The following PDE8A variants were observed in gnomAD, a reference collection of about 807,000 sequenced individuals.
PDE8A encodes the protein high affinity cAMP-specific and IBMX-insensitive 3',5'-cyclic phosphodiesterase 8A.
In PDE8A, 59 loss-of-function variants were observed where a neutral mutation model predicts 105.0. The ratio of observed to expected loss-of-function variants is 0.56; its 90% confidence interval spans 0.46 to 0.70. The LOEUF is 0.70. Ranked by LOEUF, PDE8A falls within the 30% of genes least tolerant of loss-of-function variation. The pLI is 0.00. For synonymous variants in PDE8A, 355 were observed against 371.9 expected (o/e 0.95, Z 0.52); for missense variants, 1,014 against 1,045.9 (o/e 0.97, Z 0.42).
intron 6 of PDE8A, among the ~76,000 whole-genome samples, chr15:85,087,573 C>A (rs559896564): frequency 6.6e-6 from 1 of 152,088 alleles, no homozygotes; most frequent in Admixed American, 6.5e-5. Context: ...TTTTTTTCAT[C>A]TTCTGAGGCC....
chr15:85,000,864 C>T (rs2080056700), intron 1 of PDE8A, among the ~76,000 whole-genome samples: 1 of 152,174 alleles, frequency 6.6e-6, no homozygotes, highest in African/African-American at 2.4e-5. Context: ...ATTTTTATCC[C>T]ACCTTATCCA....
rs181283797 is a variant in PDE8A at position 85,081,497 on chromosome 15, T to C, written c.547-2059T>C. On this transcript the variant is annotated intron_variant, in intron 5 of 21. Transcript: ENST00000394553. ...GGTCCTAGCCGTGGGTGTGATATGCTTTGGAGAAAGTGAGGTTAAGTTAGC... is the reference window on the plus strand; with the variant it reads ...GGTCCTAGCCGTGGGTGTGATATGCCTTGGAGAAAGTGAGGTTAAGTTAGC... 1.5e-4 allele frequency among the ~76,000 whole-genome samples: 23 copies of C among 152,246 alleles called. No individual in the cohort carries two copies. The East Asian group carries it at 4.4e-3, about 29-fold the overall frequency.
At chr15:85,065,017 G>A (rs941603633) in intron 2 of PDE8A, among the ~76,000 whole-genome samples, 2 of 152,014 alleles carry the variant, frequency 1.3e-5, no homozygotes, top group Admixed American at 6.6e-5. Context: ...AATAAAAAAT[G>A]TGTATAATTG....
chr15:85,067,838 T>C (rs780254125), intron 3 of PDE8A, among the ~76,000 whole-genome samples: 1 of 152,148 alleles, frequency 6.6e-6, no homozygotes, highest in Non-Finnish European at 1.5e-5. Flanking sequence ...TTATGGGGTA[T>C]GTGGTGACGT....
chr15:85,039,660 T>C (rs1463053170), intron 1 of PDE8A, among the ~76,000 whole-genome samples: 1 of 152,234 alleles, frequency 6.6e-6, no homozygotes, highest in Non-Finnish European at 1.5e-5. Flanking sequence ...TCTGTACTCC[T>C]GTGTTCGTTG....
chr15:85,024,789 G>C (rs2080486613), intron 1 of PDE8A, among the ~76,000 whole-genome samples: 1 of 152,118 alleles, frequency 6.6e-6, no homozygotes, highest in Non-Finnish European at 1.5e-5. Context: ...TAGTTTCTCT[G>C]CTTCTAGTGT....
intron 5 of PDE8A, among the ~76,000 whole-genome samples, chr15:85,081,646 C>T (rs888110280): frequency 2.6e-5 from 4 of 152,168 alleles, no homozygotes; most frequent in African/African-American, 9.7e-5. Context: ...CCTGATTCTT[C>T]ACCCTCCATG....
intron 11 of PDE8A, among the ~76,000 whole-genome samples, chr15:85,108,162 T>C (rs1449511581): frequency 4.6e-5 from 7 of 152,016 alleles, no homozygotes; most frequent in Non-Finnish European, 1.0e-4. Flanking sequence ...GAGGATTTAG[T>C]TTAATTGGGC....
intron 19 of PDE8A, among the ~76,000 whole-genome samples, chr15:85,123,821 A>T (rs946998113): frequency 6.6e-6 from 1 of 152,184 alleles, no homozygotes; most frequent in Non-Finnish European, 1.5e-5. Flanking sequence ...AAAGTGCAAA[A>T]ACTTGGCAGG....
At chr15:84,986,088 A>G (rs1351514739) in intron 1 of PDE8A, among the ~76,000 whole-genome samples, 1 of 152,120 alleles carries the variant, frequency 6.6e-6, no homozygotes, top group East Asian at 1.9e-4. Flanking sequence ...TTAGCTGGGC[A>G]TGGCACCGCA....
intron 1 of PDE8A, among the ~76,000 whole-genome samples, chr15:84,982,840 T>G (rs949131066): frequency 1.3e-5 from 2 of 152,260 alleles, no homozygotes; most frequent in South Asian, 4.1e-4. Context: ...GTTACCATTT[T>G]CTTCGGGACT....
intron 1 of PDE8A, among the ~76,000 whole-genome samples, chr15:84,991,236 T>C (rs936876396): frequency 6.6e-6 from 1 of 152,156 alleles, no homozygotes; most frequent in Non-Finnish European, 1.5e-5. Flanking sequence ...AAGAAGACAT[T>C]TGCAATGCAT....
chr15:85,110,511 C>T (rs190656599), intron 12 of PDE8A, among the ~76,000 whole-genome samples: 13 of 152,290 alleles, frequency 8.5e-5, no homozygotes, highest in East Asian at 5.8e-4. Context: ...TAAATTAATT[C>T]GGCCTCTCCT....
rs998353296 is a variant in PDE8A, at chr15:85,076,788, G to T, written c.546+1G>T. The T allele has an allele frequency of 6.5e-7, 1 of 1,540,104 alleles. No individual in the cohort carries two copies. The highest frequency in any genetic ancestry group is 1.4e-5 in the African/African-American group (1 of 73,396). On this transcript the variant is annotated splice_donor_variant, in intron 5 of 21. Transcript: ENST00000394553. LOFTEE classifies it high-confidence loss of function. ...TTTCATTTCTGCTGGATTTACAAGG[G>T]TATGTACTCACTTATTTGTTATACA...
chr15:85,022,763 G>A (rs1157962250), intron 1 of PDE8A, among the ~76,000 whole-genome samples: 2 of 151,918 alleles, frequency 1.3e-5, no homozygotes, highest in Non-Finnish European at 2.9e-5. Context: ...ATGTTGGCCA[G>A]GCTAGTTTCG....
chr15:84,980,739 G>T (rs2142125927), upstream of PDE8A: 1 of 152,368 alleles, frequency 6.6e-6, no homozygotes, highest in East Asian at 1.9e-4. Context: ...TGCGTGTCCG[G>T]GGTCCTCATG....
At chr15:85,094,265 A>G (rs1192437541) in intron 8 of PDE8A, among the ~76,000 whole-genome samples, 4 of 152,134 alleles carry the variant, frequency 2.6e-5, no homozygotes, top group African/African-American at 9.7e-5. Context: ...TTAGATGCCT[A>G]AGATGATGAT....
chr15:85,031,411 G>A (rs974385116), intron 1 of PDE8A, among the ~76,000 whole-genome samples: 12 of 152,012 alleles, frequency 7.9e-5, no homozygotes, highest in East Asian at 1.9e-4. Context: ...TGCTCTCCTC[G>A]CCTGTATGCT....
At chr15:85,130,604 A>AAACTCTATTGTCTCATTGTTCT (rs2082317286) in intron 20 of PDE8A, among the ~76,000 whole-genome samples, 2 of 152,174 alleles carry the variant, frequency 1.3e-5, no homozygotes, top group African/African-American at 4.8e-5. Context: ...AGCATTGTTC[A>AAACTCTATTGTCTCATTGTTCT]AACTCTATTG....
Sources: gnomAD v4.1 joint callset for allele counts (sites outside exome capture counted in the v4.1 genomes callset) on GRCh38, gnomAD v4.1.1 for gene constraint, MANE v1.5 for transcripts, NCBI Gene and HGNC (gene_info 2026-07-23, HGNC 2026-07-21) for gene names.